The following WSB2 variants were observed in gnomAD, a reference collection of about 807,000 sequenced individuals.
The protein encoded by WSB2 is WD repeat and SOCS box-containing protein 2.
Under a neutral mutation model 48.8 loss-of-function variants are expected in WSB2, and 12 were observed. The ratio of observed to expected loss-of-function variants is 0.25; its 90% CI spans 0.16 to 0.40. WSB2 has a LOEUF of 0.40. Ranked by LOEUF, WSB2 falls within the 10% of genes least tolerant of loss-of-function variation. The pLI, the probability that WSB2 is intolerant of heterozygous loss-of-function variation, is 1.00. For synonymous variants in WSB2, 191 were observed against 203.1 expected (o/e 0.94, Z 0.51); for missense variants, 317 against 506.2 (o/e 0.63, Z 3.59).
At chr12:118,059,865 C>G (rs898547524) in intron 1 of WSB2, among the ~76,000 whole-genome samples, 30 of 152,296 alleles carry the variant, frequency 2.0e-4, no homozygotes, top group African/African-American at 7.2e-4. Context: ...CTTCAGCAAA[C>G]AAAGAAATGT....
chr12:118,055,022 A>G (rs1392423621), intron 1 of WSB2, among the ~76,000 whole-genome samples: 1 of 151,124 alleles, frequency 6.6e-6, no homozygotes. Context: ...CTTTAAAAAA[A>G]AAAAAAAAGA....
At chr12:118,036,230 A>G in intron 6 of WSB2, 108 bp downstream of exon 6, 2 of 1,341,108 alleles carry the variant, frequency 1.5e-6, no homozygotes, top group Non-Finnish European at 2.1e-6. Context: ...CTTTTTATCC[A>G]GCTTGTCCCC....
At chr12:118,047,441 G>A (rs1404109706) in intron 2 of WSB2, among the ~76,000 whole-genome samples, 1 of 152,210 alleles carries the variant, frequency 6.6e-6, no homozygotes, top group Non-Finnish European at 1.5e-5. Flanking sequence ...TCAAAAAGCA[G>A]TATAATTATT....
At position 118,040,595 on chromosome 12, in the gene WSB2, T is replaced by C. The variant is rs2031615469; in HGVS notation, c.560-2207A>G. ...GACCTTCATGGCAAAACCCCGTCTC[T>C]ACTAAAAATACGAAAATTAGCCAGG... On this transcript the variant is annotated intron_variant, in intron 4 of 8. Coordinates refer to ENST00000315436, the MANE Select transcript of WSB2 (RefSeq NM_018639.5). Among the ~76,000 whole-genome samples, 3 of 149,816 alleles carry C rather than the reference T, an allele frequency of 2.0e-5. No homozygotes were observed. The South Asian group carries it at 6.3e-4, about 32-fold the overall frequency.
In WSB2 at chr12:118,061,118, G is replaced by T. The variant is rs1329880921; in HGVS notation, c.-70C>A. 33 of 979,830 alleles carry T rather than the reference G, an allele frequency of 3.4e-5. No individual in the cohort carries two copies. Among genetic ancestry groups the T allele is most frequent in the Non-Finnish European group, 3.9e-5 (32 of 827,730 alleles). 60.7% of individuals were successfully genotyped at this position (979,830 alleles called of 1,614,324 possible). On this transcript the variant is annotated 5_prime_UTR_variant, in exon 1 of 9. Coordinates refer to ENST00000315436, the MANE Select transcript of WSB2 (RefSeq NM_018639.5). ...CCCCCGGGCCGCGGGCCCTCATGCC[G>T]CCCCCGCGCCGCCCGCCCCGGCCAG... is the stretch of plus-strand genomic sequence containing the variant.
intron 1 of WSB2, among the ~76,000 whole-genome samples, chr12:118,055,507 C>T (rs954428046): frequency 6.6e-6 from 1 of 150,584 alleles, no homozygotes; most frequent in Non-Finnish European, 1.5e-5. Context: ...GGAAGAATTG[C>T]TTGAGACCAG....
chr12:118,046,105 T>C (rs544822840), intron 2 of WSB2, among the ~76,000 whole-genome samples: 3 of 152,356 alleles, frequency 2.0e-5, no homozygotes, highest in Non-Finnish European at 2.9e-5. Context: ...GCTTTCACAC[T>C]GTGACAGCGG....
At chr12:118,045,714 GA>G (rs796232418) in intron 2 of WSB2, among the ~76,000 whole-genome samples, 4,686 of 72,084 alleles carry the variant, frequency 0.065, 251 homozygotes, top group African/African-American at 0.18. Context: ...CTGTCTCAAA[GA>G]AAAAAAAAAA....
rs1467700278 is a variant in WSB2, at chr12:118,052,390, G to C, written c.102C>G (p.Phe34Leu). Residue 34 changes from phenylalanine (F) to leucine (L), a missense_variant, in exon 2 of 9, where the codon TTC becomes TTG. Physicochemically the swap from Phe to Leu is conservative, Grantham distance 22. This residue lies in a region of WSB2 where 128 missense variants were observed against 156.7 expected (regional missense o/e 0.82). Transcript: ENST00000315436. Reference protein sequence around the residue: ...KSSCETWSVAFSPDGSWFAWS... With the variant: ...KSSCETWSVALSPDGSWFAWS... Reference sequence around the variant, plus strand: ...AAGCAAACCAGGAGCCATCTGGGGAGAAGGCGACGCTCCAGGTTTCACAGC... The same window carrying C: ...AAGCAAACCAGGAGCCATCTGGGGACAAGGCGACGCTCCAGGTTTCACAGC... 6.2e-7 allele frequency: 1 copy of C among 1,614,218 alleles called. No individual in the cohort carries two copies. The highest frequency in any genetic ancestry group is 8.5e-7 in the Non-Finnish European group (1 of 1,180,038).
chr12:118,050,513 C>T (rs923385739), intron 2 of WSB2, among the ~76,000 whole-genome samples: 1 of 151,938 alleles, frequency 6.6e-6, no homozygotes, highest in East Asian at 1.9e-4. Context: ...TGGTGGCGCG[C>T]CTGTAGTATC....
chr12:118,034,173 A>G lies in WSB2; in HGVS notation c.*23T>C, dbSNP rs200618171. ...GACAGGACGATTTACCCTGCTACAA[A>G]GAAGCACAAGATGTGGTGTTGCTTA... On this transcript the variant is annotated 3_prime_UTR_variant, in exon 9 of 9. Transcript: ENST00000315436. The G allele has an allele frequency of 1.2e-6, 2 of 1,613,790 alleles. No individual in the cohort carries two copies. Among genetic ancestry groups the G allele is most frequent in the East Asian group, 2.2e-5 (1 of 44,876 alleles).
intron 8 of WSB2, 188 bp from the exon 9 acceptor site, chr12:118,034,546 A>G (rs2031455141): frequency 1.5e-6 from 1 of 648,462 alleles, no homozygotes; most frequent in African/African-American, 1.8e-5. Context: ...AGGATTAGAA[A>G]AACTCAAGAC....
chr12:118,049,016 T>C (rs1232122444), intron 2 of WSB2, among the ~76,000 whole-genome samples: 1 of 152,224 alleles, frequency 6.6e-6, no homozygotes, highest in Non-Finnish European at 1.5e-5. Context: ...TCTATACAAA[T>C]TTGAAAACAA....
intron 1 of WSB2, among the ~76,000 whole-genome samples, chr12:118,053,577 C>A (rs1418895653): frequency 1.3e-5 from 2 of 151,342 alleles, no homozygotes; most frequent in Non-Finnish European, 2.9e-5. Context: ...TTGTTTCTCC[C>A]AGGACCTAGC....
rs111281422 is a variant in WSB2 at position 118,051,112 on chromosome 12, A to C, written c.182+1198T>G. Among the ~76,000 whole-genome samples, 423 of 152,284 alleles carry C rather than the reference A, an allele frequency of 2.8e-3. 6 individuals are homozygous for C. Among genetic ancestry groups the C allele is most frequent in the African/African-American group, 9.3e-3 (385 of 41,570 alleles). On this transcript the variant is annotated intron_variant, in intron 2 of 8. Coordinates refer to ENST00000315436, the MANE Select transcript of WSB2 (RefSeq NM_018639.5). ...GCTTGACATCCATAGCCATCAAGGA[A>C]ATGCAAATCGAAACCACTATGAAAT...
intron 4 of WSB2, among the ~76,000 whole-genome samples, chr12:118,041,327 G>C (rs1208590911): frequency 1.3e-5 from 2 of 152,192 alleles, no homozygotes; most frequent in Non-Finnish European, 2.9e-5. Flanking sequence ...AGGATGCAGA[G>C]AGAAGGTGGC....
chr12:118,056,374 A>G (rs2031957673), intron 1 of WSB2, among the ~76,000 whole-genome samples: 1 of 152,170 alleles, frequency 6.6e-6, no homozygotes, highest in Non-Finnish European at 1.5e-5. Flanking sequence ...ACAACTGCTT[A>G]GAGAACTCTT....
intron 6 of WSB2, 42 bp from the exon 7 acceptor site, chr12:118,035,366 C>T (rs1458865155): frequency 6.4e-7 from 1 of 1,561,644 alleles, no homozygotes; most frequent in Non-Finnish European, 8.8e-7. Context: ...GGAGTGATGG[C>T]TGCTCTCCAC....
chr12:118,059,487 C>T (rs1245529530), intron 1 of WSB2, among the ~76,000 whole-genome samples: 3 of 152,100 alleles, frequency 2.0e-5, no homozygotes, highest in Non-Finnish European at 4.4e-5. Context: ...AACTGTTGCC[C>T]ATTGTATTTC....
Sources: allele counts gnomAD v4.1 joint callset (sites outside exome capture counted in the v4.1 genomes callset), GRCh38; gene constraint gnomAD v4.1.1; regional missense constraint gnomAD v4.1.1; transcripts MANE v1.5; gene names NCBI Gene and HGNC (gene_info 2026-07-23, HGNC 2026-07-21).